GNG7: variants seen among roughly 807,000 people sequenced by gnomAD.
GNG7 encodes the protein guanine nucleotide-binding protein G(I)/G(S)/G(O) subunit gamma-7.
Under a neutral mutation model 4.0 loss-of-function variants are expected in GNG7, and 1 was observed. The ratio of observed to expected loss-of-function variants is 0.25; its 90% CI spans 0.09 to 1.18. GNG7 has a LOEUF of 1.18. GNG7 is among the 50% of genes most tolerant of loss of function. The pLI is 0.50. For missense variants in GNG7, 86 were observed against 91.9 expected, an observed-to-expected ratio of 0.94 and a Z score of 0.26; for synonymous variants, 34 against 36.9, an observed-to-expected ratio of 0.92 and a Z score of 0.29.
At chr19:2,651,331 CTACCT>C (rs1371659292) in intron 1 of GNG7, among the ~76,000 whole-genome samples, 3 of 67,686 alleles carry the variant, frequency 4.4e-5, no homozygotes, top group Non-Finnish European at 2.9e-5. Context: ...CCCTCCCTCC[CTACCT>C]TCCCTCCATC....
intron 1 of GNG7, among the ~76,000 whole-genome samples, chr19:2,654,178 C>T (rs976192498): frequency 6.6e-6 from 1 of 152,060 alleles, no homozygotes; most frequent in Admixed American, 6.5e-5. Flanking sequence ...GGAGGAGAGG[C>T]GGAGAGGAAA....
chr19:2,601,131 C>A (rs1021268440), intron 2 of GNG7, among the ~76,000 whole-genome samples: 14 of 151,850 alleles, frequency 9.2e-5, no homozygotes, highest in African/African-American at 3.4e-4. Flanking sequence ...AGAGACCTCC[C>A]CCCCGCCACC....
In GNG7 at chr19:2,626,829, G is replaced by C. The variant is rs932852853; in HGVS notation, c.-78+19395C>G. Among the ~76,000 whole-genome samples the C allele has an allele frequency of 6.6e-6, 1 of 152,140 alleles. No individual in the cohort carries two copies. The highest frequency in any genetic ancestry group is 2.4e-5 in the African/African-American group (1 of 41,426). On this transcript the variant is annotated intron_variant, in intron 2 of 4. Transcript: ENST00000382159. The surrounding 1 kb of genome is among the most constrained non-coding windows in gnomAD (Gnocchi z 5.0). The stretch of plus-strand genomic sequence containing the variant: ...CGGTCCATGCTCCTGGCATGGAGTG[G>C]GTGGAGGCCAGGGATGCTGCTCAGC...
intron 2 of GNG7, among the ~76,000 whole-genome samples, chr19:2,559,982 T>C (rs1979691005): frequency 6.6e-6 from 1 of 151,636 alleles, no homozygotes; most frequent in African/African-American, 2.4e-5. Context: ...AACAGCAAAA[T>C]CACCAAAAAG....
At chr19:2,693,525 A>C (rs2144912383) in intron 1 of GNG7, among the ~76,000 whole-genome samples, 1 of 152,260 alleles carries the variant, frequency 6.6e-6, no homozygotes, top group South Asian at 2.1e-4. Context: ...TCTTCCAAAG[A>C]GTAACTGTAC....
intron 1 of GNG7, among the ~76,000 whole-genome samples, chr19:2,651,226 T>C: frequency 1.1e-5 from 1 of 94,342 alleles, no homozygotes; most frequent in Admixed American, 1.3e-4. Context: ...CTGTCCGACT[T>C]CCTTCCTTCC....
chr19:2,559,094 C>A (rs1979657618), intron 2 of GNG7, among the ~76,000 whole-genome samples: 1 of 151,750 alleles, frequency 6.6e-6, no homozygotes, highest in South Asian at 2.1e-4. Flanking sequence ...GCCATCGCGC[C>A]CAGCCAGTTA....
chr19:2,689,947 C>T (rs894971569), intron 1 of GNG7, among the ~76,000 whole-genome samples: 2 of 152,154 alleles, frequency 1.3e-5, no homozygotes, highest in African/African-American at 4.8e-5. Context: ...GAGCAGTGTG[C>T]CAATAAAACA....
intron 2 of GNG7, among the ~76,000 whole-genome samples, chr19:2,599,498 T>G (rs1179049421): frequency 6.6e-6 from 1 of 151,934 alleles, no homozygotes; most frequent in Non-Finnish European, 1.5e-5. Context: ...AGCCCTGCCA[T>G]GCAGCCGCGT....
chr19:2,592,689 A>T (rs928298143), intron 2 of GNG7, among the ~76,000 whole-genome samples: 13 of 137,620 alleles, frequency 9.4e-5, no homozygotes, highest in Non-Finnish European at 3.1e-5. Flanking sequence ...GTGAGCTATG[A>T]TTGCATCGTT....
intron 1 of GNG7, among the ~76,000 whole-genome samples, chr19:2,661,283 AAAG>A (rs1246816960): frequency 1.8e-5 from 1 of 54,736 alleles, no homozygotes; most frequent in Non-Finnish European, 3.4e-5. Context: ...AGAAAGAAAG[AAAG>A]AAAGAAAGAA....
chr19:2,532,723 A>G (rs1978633850), intron 3 of GNG7, among the ~76,000 whole-genome samples: 1 of 152,236 alleles, frequency 6.6e-6, no homozygotes. Context: ...TGAAGGAAAT[A>G]TGAATTAAAG....
chr19:2,556,633 T>A (rs1009685416), intron 2 of GNG7, among the ~76,000 whole-genome samples: 1 of 151,890 alleles, frequency 6.6e-6, no homozygotes, highest in Non-Finnish European at 1.5e-5. Context: ...GAAGCTGAGG[T>A]CGGCGGGAAG....
intron 2 of GNG7, among the ~76,000 whole-genome samples, chr19:2,593,121 C>T (rs1021360929): frequency 6.6e-6 from 1 of 152,004 alleles, no homozygotes; most frequent in African/African-American, 2.4e-5. Context: ...CAGCTGAGGT[C>T]ACAAAAAAGT....
At chr19:2,584,565 C>G (rs1980589628) in intron 2 of GNG7, among the ~76,000 whole-genome samples, 1 of 147,158 alleles carries the variant, frequency 6.8e-6, no homozygotes, top group Admixed American at 6.9e-5. Context: ...ACACTGCACT[C>G]CAGCCTGGGC....
At chr19:2,589,159 C>T (rs1460618055) in intron 2 of GNG7, among the ~76,000 whole-genome samples, 2 of 151,710 alleles carry the variant, frequency 1.3e-5, no homozygotes. Flanking sequence ...AACTCCCAAC[C>T]TCAGGTGATC....
intron 1 of GNG7, among the ~76,000 whole-genome samples, chr19:2,697,650 A>G (rs1913298910): frequency 6.6e-6 from 1 of 152,204 alleles, no homozygotes. Flanking sequence ...GAATTGCAGA[A>G]ATCAGCCGTG....
At chr19:2,560,601 C>A (rs532158735) in intron 2 of GNG7, among the ~76,000 whole-genome samples, 1 of 115,334 alleles carries the variant, frequency 8.7e-6, no homozygotes, top group Non-Finnish European at 1.9e-5. Flanking sequence ...CCCAGGACGG[C>A]CCTGCTCCAG....
At chr19:2,551,714 C>T (rs112765619) in intron 3 of GNG7, among the ~76,000 whole-genome samples, 19,177 of 99,214 alleles carry the variant, frequency 0.19, 1,369 homozygotes, top group Admixed American at 0.21. Context: ...GACAGAGTCT[C>T]GCTCTGGCCC....
Sources: allele counts gnomAD v4.1 joint callset (sites outside exome capture counted in the v4.1 genomes callset), GRCh38; gene constraint gnomAD v4.1.1; non-coding constraint Gnocchi (gnomAD v3.1); transcripts MANE v1.5; gene names NCBI Gene and HGNC (gene_info 2026-07-23, HGNC 2026-07-21).